Variants in HES7 observed in about 807,000 individuals in gnomAD.
HES7 encodes transcription factor HES-7.
In HES7, 8 loss-of-function variants were observed where a neutral mutation model predicts 18.0. The ratio of observed to expected loss-of-function variants is 0.45; its 90% CI spans 0.26 to 0.80. The LOEUF is 0.80. Ranked by LOEUF, HES7 falls within the 30% of genes least tolerant of loss-of-function variation. The pLI, the probability that HES7 is intolerant of heterozygous loss-of-function variation, is 0.18. For missense variants in HES7, 356 were observed against 340.9 expected, an observed-to-expected ratio of 1.04 and a Z score of -0.35; for synonymous variants, 170 against 158.6, an observed-to-expected ratio of 1.07 and a Z score of -0.54.
At position 8,122,926 on chromosome 17, in the gene HES7, C is replaced by T. The variant is rs1003464870; in HGVS notation, c.138+105G>A. Reference sequence around the variant, plus strand: ...AAAGGCGGGACTCGGGTGAGGATGCCTTGGGGCCAGGGTTGCCAACCAAGC... The same window carrying T: ...AAAGGCGGGACTCGGGTGAGGATGCTTTGGGGCCAGGGTTGCCAACCAAGC... On this transcript the variant is annotated intron_variant, in intron 2 of 3. Transcript: ENST00000541682. The surrounding 1 kb of genome is among the most constrained non-coding windows in gnomAD (Gnocchi z 6.9). 5.2e-5 allele frequency: 46 copies of T among 889,088 alleles called. 1 individual carries two copies. Among genetic ancestry groups the T allele is most frequent in the South Asian group, 3.1e-4 (22 of 70,462 alleles). 55.1% of individuals were successfully genotyped at this position (889,088 alleles called of 1,614,324 possible).
Position 8,123,938 on chromosome 17 carries a change from C to G in HES7, c.42+105G>C. ...CTCCTGGAGTTCTGGAGCACCGCTC[C>G]CCTTCCACCCCTGCGTCCCCAGCCT... On this transcript the variant is annotated intron_variant, in intron 1 of 3. Coordinates refer to ENST00000541682, the MANE Select transcript of HES7 (RefSeq NM_001165967.2). This position sits in a 1 kb window ranked among gnomAD's most constrained non-coding sequence, Gnocchi z 5.9. 1 of 1,277,808 alleles carries G rather than the reference C, an allele frequency of 7.8e-7. No individual in the cohort carries two copies. Among genetic ancestry groups the G allele is most frequent in the Non-Finnish European group, 1.1e-6 (1 of 892,392 alleles). 79.2% of individuals were successfully genotyped at this position (1,277,808 alleles called of 1,614,324 possible). A position where few individuals can be genotyped will look rare whatever the true frequency, so the allele number is the denominator to read the frequency against.
In HES7 at chr17:8,123,192, C is replaced by G. The variant is rs1477157475; in HGVS notation, c.43-66G>C. On this transcript the variant is annotated intron_variant, in intron 1 of 3. Coordinates refer to ENST00000541682, the MANE Select transcript of HES7 (RefSeq NM_001165967.2). This position sits in a 1 kb window ranked among gnomAD's most constrained non-coding sequence, Gnocchi z 5.9. ...AGACTCAGTGCGGCCGCCCCGGCGT[C>G]GGATCCCGCCGCTGGGAGAGCCCGG... is the stretch of plus-strand genomic sequence containing the variant. The G allele has an allele frequency of 7.7e-7, 1 of 1,293,904 alleles. No individual in the cohort carries two copies. The highest frequency in any genetic ancestry group is 1.1e-6 in the Non-Finnish European group (1 of 920,366). The allele number at this position is 1,293,904 out of a possible 1,614,324, so 80.2% of individuals were successfully genotyped here.
chr17:8,121,659 A>G lies in HES7; in HGVS notation c.605T>C (p.Leu202Pro). Residue 202 changes from leucine to proline, a missense_variant, in exon 4 of 4, where the codon CTG becomes CCG. Leu to Pro is a moderately conservative substitution (Grantham distance 98, BLOSUM62 -3). Coordinates refer to ENST00000541682, the MANE Select transcript of HES7 (RefSeq NM_001165967.2). ...TCTGTGAGGCGGCGGTGGCGGCGGC[A>G]GCAGTCCGGTGAGGGGCGCCGGCGC... is the stretch of plus-strand genomic sequence containing the variant. ...SGAPAPLTGL[L>P]PPPPPPHRQD... 7 of 1,321,618 alleles carry G rather than the reference A, an allele frequency of 5.3e-6. No homozygotes were observed. The highest frequency in any genetic ancestry group is 4.4e-5 in the South Asian group (2 of 45,548). The allele number at this position is 1,321,618 out of a possible 1,614,324, so 81.9% of individuals were successfully genotyped here.
chr17:8,125,743 C>A (rs191194854), upstream of HES7, among the ~76,000 whole-genome samples: 1 of 152,198 alleles, frequency 6.6e-6, no homozygotes, highest in Non-Finnish European at 1.5e-5. Flanking sequence ...ATCTTTAAGC[C>A]GCGCATTGGT....
Position 8,123,111 on chromosome 17 carries a change from C to A in HES7, c.58G>T (p.Val20Leu), listed in dbSNP as rs1011210823. The change falls in exon 2 of 4, where the codon GTG (valine) becomes TTG (leucine). Residue 20 changes from valine to leucine, a missense_variant. Physicochemically the swap from Val to Leu is conservative, Grantham distance 32 (BLOSUM62 1). Transcript: ENST00000541682. The surrounding 1 kb of genome is among the most constrained non-coding windows in gnomAD (Gnocchi z 5.9). ...RDGPKMLKPL[V>L]EKRRRDRINR... ...ATGCGGTCCCGGCGCCGCTTCTCCACAAGCGGCTTGAGCATCTGCGACCAG... is the reference window on the plus strand; with the variant it reads ...ATGCGGTCCCGGCGCCGCTTCTCCAAAAGCGGCTTGAGCATCTGCGACCAG... 3.1e-6 allele frequency: 5 copies of A among 1,607,000 alleles called. No individual in the cohort carries two copies. In the African/African-American group the frequency reaches 6.7e-5, roughly 21 times the overall value.
At chr17:8,124,900 C>G (rs1161520181), upstream of HES7, among the ~76,000 whole-genome samples, 1 of 152,126 alleles carries the variant, frequency 6.6e-6, no homozygotes, top group African/African-American at 2.4e-5. Flanking sequence ...AGAGGTCTTT[C>G]CACTTACAGT....
chr17:8,122,931 G>T lies in HES7; in HGVS notation c.138+100C>A, dbSNP rs1371917513. The T allele has an allele frequency of 6.5e-6, 6 of 920,608 alleles. No individual in the cohort carries two copies. Among genetic ancestry groups the T allele is most frequent in the Non-Finnish European group, 1.0e-5 (6 of 571,662 alleles). 57.0% of individuals were successfully genotyped at this position (920,608 alleles called of 1,614,324 possible). A position where few individuals can be genotyped will look rare whatever the true frequency, so the allele number is the denominator to read the frequency against. On this transcript the variant is annotated intron_variant, in intron 2 of 3. Coordinates refer to ENST00000541682, the MANE Select transcript of HES7 (RefSeq NM_001165967.2). The surrounding 1 kb of genome is among the most constrained non-coding windows in gnomAD (Gnocchi z 6.9). ...CGGGACTCGGGTGAGGATGCCTTGG[G>T]GCCAGGGTTGCCAACCAAGCTTGTG...
rs1780306333 is a variant in HES7 at position 8,122,638 on chromosome 17, G to A, written c.139-208C>T. Among the ~76,000 whole-genome samples, 1 of 152,138 alleles carries A rather than the reference G, an allele frequency of 6.6e-6. No homozygotes were observed. Among genetic ancestry groups the A allele is most frequent in the Admixed American group, 6.5e-5 (1 of 15,272 alleles). ...CCTGAGACGAAACTGTCCAATCCTAGGGGTTGGAACCAATGCCCAACGCGT... is the reference window on the plus strand; with the variant it reads ...CCTGAGACGAAACTGTCCAATCCTAAGGGTTGGAACCAATGCCCAACGCGT... On this transcript the variant is annotated intron_variant, in intron 2 of 3. Transcript: ENST00000541682. This position sits in a 1 kb window ranked among gnomAD's most constrained non-coding sequence, Gnocchi z 6.9.
Position 8,122,302 on chromosome 17 carries a change from T to TGCC in HES7, c.226+40_226+41insGGC. 3.4e-6 allele frequency: 5 copies of TGCC among 1,460,284 alleles called. No individual in the cohort carries two copies. Among genetic ancestry groups the TGCC allele is most frequent in the East Asian group, 2.5e-5 (1 of 40,742 alleles). 90.5% of individuals were successfully genotyped at this position (1,460,284 alleles called of 1,614,324 possible). Reference sequence around the variant, plus strand: ...CTGCCCCGGCCGGAGCCTCCTGGCGTCCCCCCTCCCTCCCTCCGCTGCCCC... The same window carrying TGCC: ...CTGCCCCGGCCGGAGCCTCCTGGCGTGCCCCCCCCTCCCTCCCTCCGCTGCCCC... On this transcript the variant is annotated intron_variant, in intron 3 of 3. Transcript: ENST00000541682. The surrounding 1 kb of genome is among the most constrained non-coding windows in gnomAD (Gnocchi z 6.9).
At chr17:8,124,236 G>A (rs1036904097), upstream of HES7, 13 of 912,596 alleles carry the variant, frequency 1.4e-5, no homozygotes, top group African/African-American at 2.0e-4. Context: ...CCGGAAAGAG[G>A]AGGAGTGAAG....
In HES7 at chr17:8,121,707, G is replaced by T. The variant is rs550425522; in HGVS notation, c.557C>A (p.Ser186Tyr). 6.6e-6 allele frequency: 9 copies of T among 1,353,638 alleles called. No homozygotes were observed. In the African/African-American group the frequency reaches 7.6e-5, roughly 12 times the overall value. The allele number at this position is 1,353,638 out of a possible 1,614,324, so 83.9% of individuals were successfully genotyped here. Residue 186 changes from serine (S) to tyrosine (Y), a missense_variant, in exon 4 of 4, where the codon TCC becomes TAC. By Grantham distance (144) the Ser-to-Tyr change is moderately radical (BLOSUM62 -2). Transcript: ENST00000541682. ...CGCGCCAGAATCCCCGGCGCGCGGG[G>T]AGCAGAGGGATGGGGACCATGCGCA... ...PRCAWSPSLCSPRAGDSGAPA... is the reference protein window; with the variant it reads ...PRCAWSPSLCYPRAGDSGAPA...
At chr17:8,124,170 G>C, upstream of HES7, 1 of 1,525,872 alleles carries the variant, frequency 6.6e-7, no homozygotes, top group Non-Finnish European at 9.0e-7. Context: ...GATAGGACCC[G>C]ACCCCGCCCC....
In HES7 at chr17:8,122,262, C is replaced by T. The variant is rs866724154; in HGVS notation, c.226+81G>A. ...CACTCCCCAAGCCCACCATCCACCG[C>T]AGGGCCCGCCCACTCTGCCCCGGCC... On this transcript the variant is annotated intron_variant, in intron 3 of 3. Coordinates refer to ENST00000541682, the MANE Select transcript of HES7 (RefSeq NM_001165967.2). This position sits in a 1 kb window ranked among gnomAD's most constrained non-coding sequence, Gnocchi z 6.9. The T allele has an allele frequency of 2.4e-6, 3 of 1,258,802 alleles. No homozygotes were observed. The highest frequency in any genetic ancestry group is 2.6e-5 in the South Asian group (2 of 76,666). 78.0% of individuals were successfully genotyped at this position (1,258,802 alleles called of 1,614,324 possible).
In HES7 at chr17:8,121,130, G is replaced by T. The variant is rs1313562806; in HGVS notation, c.*441C>A. Reference sequence around the variant, plus strand: ...CAATTTCGATCTCAGTTCCCGCTCTGCTCTCTTCTTTACTTACCTGTCTGC... The same window carrying T: ...CAATTTCGATCTCAGTTCCCGCTCTTCTCTCTTCTTTACTTACCTGTCTGC... On this transcript the variant is annotated 3_prime_UTR_variant, in exon 4 of 4. Coordinates refer to ENST00000541682, the MANE Select transcript of HES7 (RefSeq NM_001165967.2). 6.2e-6 allele frequency: 1 copy of T among 160,048 alleles called. No individual in the cohort carries two copies. The highest frequency in any genetic ancestry group is 1.4e-5 in the Non-Finnish European group (1 of 73,472). 9.9% of individuals were successfully genotyped at this position (160,048 alleles called of 1,614,324 possible).
upstream of HES7, chr17:8,124,122 G>A (rs766344830): frequency 6.2e-7 from 1 of 1,613,436 alleles, no homozygotes; most frequent in Non-Finnish European, 8.5e-7. Flanking sequence ...TTCCCTGCTC[G>A]CCTGGAGCCT....
rs747054086 is a variant in HES7, at chr17:8,122,018, A to T, written c.246T>A (p.Val82=). Residue 82 remains valine (V), a synonymous_variant, in exon 4 of 4, where the codon GTT becomes GTA. Transcript: ENST00000541682. This position sits in a 1 kb window ranked among gnomAD's most constrained non-coding sequence, Gnocchi z 6.9. ...VEPPAAAAPG[V]PRSPVQDAEA... Reference sequence around the variant, plus strand: ...CGGCGTCCTGGACTGGGGACCGGGGAACCCCTGGAGCCGCGGCGGCTGGTG... The same window carrying T: ...CGGCGTCCTGGACTGGGGACCGGGGTACCCCTGGAGCCGCGGCGGCTGGTG... 1.2e-5 allele frequency: 19 copies of T among 1,520,528 alleles called. No homozygotes were observed. In the African/African-American group the frequency reaches 2.7e-4, roughly 22 times the overall value. 94.2% of individuals were successfully genotyped at this position (1,520,528 alleles called of 1,614,324 possible).
chr17:8,124,176 GC>G, upstream of HES7: 1 of 1,491,870 alleles, frequency 6.7e-7, no homozygotes. Flanking sequence ...ACCCGACCCC[GC>G]CCCCTTCGAC....
In HES7 at chr17:8,122,389, C is replaced by A; in HGVS notation, c.180G>T (p.Glu60Asp). ...GCTCCCTCAAGTAGCCCACGGCGAA[C>A]TCCAATATCTCCGCTTTCTCCAGCT... Reference protein sequence around the residue: ...NPKLEKAEILEFAVGYLRERS... With the variant: ...NPKLEKAEILDFAVGYLRERS... The change falls in exon 3 of 4, where the codon GAG becomes GAT. Residue 60 changes from glutamate (E) to aspartate (D), a missense_variant. Coordinates refer to ENST00000541682, the MANE Select transcript of HES7 (RefSeq NM_001165967.2). The surrounding 1 kb of genome is among the most constrained non-coding windows in gnomAD (Gnocchi z 6.9). 3.1e-6 allele frequency: 5 copies of A among 1,598,184 alleles called. No homozygotes were observed. Among genetic ancestry groups the A allele is most frequent in the Non-Finnish European group, 4.3e-6 (5 of 1,172,718 alleles).
At chr17:8,126,018 A>C (rs1359291451), upstream of HES7, among the ~76,000 whole-genome samples, 125 of 123,440 alleles carry the variant, frequency 1.0e-3, no homozygotes, top group South Asian at 1.5e-3. Flanking sequence ...CAGCCTCCAC[A>C]CCCCCCTCCC....
Sources: gnomAD v4.1 joint callset for allele counts (sites outside exome capture counted in the v4.1 genomes callset) on GRCh38, gnomAD v4.1.1 for gene constraint, Gnocchi (gnomAD v3.1) non-coding constraint, MANE v1.5 for transcripts, NCBI Gene and HGNC (gene_info 2026-07-23, HGNC 2026-07-21) for gene names.